Variants in NTM observed in about 807,000 individuals in gnomAD.
NTM encodes the protein IgLON family member 2.
Under a neutral mutation model 42.1 loss-of-function variants are expected in NTM, and 13 were observed. That is an observed-to-expected ratio of 0.31 (90% CI 0.20 to 0.49). The LOEUF is 0.49. Ranked by LOEUF, NTM falls within the 20% of genes least tolerant of loss-of-function variation. The pLI is 0.99. For missense variants in NTM, 373 were observed against 452.8 expected (o/e 0.82, Z 1.60); for synonymous variants, 187 against 179.2 (o/e 1.04, Z -0.35).
chr11:131,420,726 G>C (rs1565483357), intron 1 of NTM, among the ~76,000 whole-genome samples: 1 of 152,194 alleles, frequency 6.6e-6, no homozygotes, highest in Non-Finnish European at 1.5e-5. Flanking sequence ...ATCTGGAAGT[G>C]GGTGGGCTCA....
intron 1 of NTM, among the ~76,000 whole-genome samples, chr11:131,562,570 T>C (rs1248281746): frequency 1.3e-5 from 2 of 151,848 alleles, no homozygotes; most frequent in Admixed American, 6.6e-5. Flanking sequence ...CATGTCATGA[T>C]GGATGAAGCC....
rs578241620 is a variant in NTM at position 131,669,188 on chromosome 11, G to C, written c.83-242376G>C. On this transcript the variant is annotated intron_variant, in intron 1 of 8. Coordinates refer to ENST00000683400, the MANE Select transcript of NTM (RefSeq NM_001352005.2). ...ACTAGAAGTTTCCCCCATCCAAAGA[G>C]AGAGAGAGAGAGAGAGAACAAGGCT... 9.3e-5 allele frequency among the ~76,000 whole-genome samples: 14 copies of C among 150,428 alleles called. No homozygotes were observed. The South Asian group carries it at 2.5e-3, about 27-fold the overall frequency.
chr11:132,209,545 GTTAAATGAGGATCTTTTCAAATATC>G (rs2082499678), intron 3 of NTM, among the ~76,000 whole-genome samples: 1 of 152,150 alleles, frequency 6.6e-6, no homozygotes, highest in Non-Finnish European at 1.5e-5. Flanking sequence ...AAACTAAAAA[GTTAAATGAGGATCTTTTCAAATATC>G]TTATATTAAT....
chr11:131,469,622 A>C (rs1952235262), intron 1 of NTM, among the ~76,000 whole-genome samples: 1 of 152,220 alleles, frequency 6.6e-6, no homozygotes, highest in Non-Finnish European at 1.5e-5. Flanking sequence ...TGATAGGCTC[A>C]GTGTCATAAT....
rs1478538013 is a variant in NTM, at chr11:131,874,038, T to TA, written c.83-37525dup. ...TTTATATAATATAATATAATATATA[T>TA]ATATATATATATATATATATATATA... On this transcript the variant is annotated intron_variant, in intron 1 of 8. Coordinates refer to ENST00000683400, the MANE Select transcript of NTM (RefSeq NM_001352005.2). Among the ~76,000 whole-genome samples the TA allele has an allele frequency of 2.0e-3, 64 of 31,996 alleles. 2 individuals carry two copies. The highest frequency in any genetic ancestry group is 0.02 in the African/African-American group (57 of 2,856). 21.0% of individuals were successfully genotyped at this position (31,996 alleles called of 152,430 possible). A position where few individuals can be genotyped will look rare whatever the true frequency, so the allele number is the denominator to read the frequency against.
chr11:132,082,344 T>C (rs1223414638), intron 2 of NTM, among the ~76,000 whole-genome samples: 1 of 152,110 alleles, frequency 6.6e-6, no homozygotes, highest in Non-Finnish European at 1.5e-5. Flanking sequence ...CCTCACAAAT[T>C]GAATACCAAG....
chr11:132,070,469 G>A (rs561721535), intron 2 of NTM, among the ~76,000 whole-genome samples: 5 of 121,778 alleles, frequency 4.1e-5, no homozygotes, highest in South Asian at 2.9e-4. Context: ...ACATCACACA[G>A]CCAAGTTAAC....
intron 1 of NTM, among the ~76,000 whole-genome samples, chr11:131,453,404 A>C (rs1950625510): frequency 6.6e-6 from 1 of 152,304 alleles, no homozygotes; most frequent in South Asian, 2.1e-4. Flanking sequence ...GGGAACAGTA[A>C]CTACTTGGTA....
intron 2 of NTM, among the ~76,000 whole-genome samples, chr11:131,997,837 A>G (rs945586031): frequency 2.6e-5 from 4 of 152,130 alleles, no homozygotes; most frequent in Non-Finnish European, 5.9e-5. Flanking sequence ...AGAACCTTCA[A>G]CTACCATTGT....
chr11:131,910,609 C>CTCGGGGTCGGG (rs2054654192), intron 1 of NTM, among the ~76,000 whole-genome samples: 1 of 150,768 alleles, frequency 6.6e-6, no homozygotes, highest in East Asian at 1.9e-4. Context: ...GGGGCCCGCG[C>CTCGGGGTCGGG]GCGTCGGGGC....
chr11:131,950,917 T>G (rs2060912037), intron 2 of NTM, among the ~76,000 whole-genome samples: 1 of 152,306 alleles, frequency 6.6e-6, no homozygotes, highest in South Asian at 2.1e-4. Context: ...TGTCTTCCCC[T>G]GTATCCAAGG....
At chr11:131,945,183 A>T (rs1007802352) in intron 2 of NTM, among the ~76,000 whole-genome samples, 7 of 152,218 alleles carry the variant, frequency 4.6e-5, no homozygotes, top group Admixed American at 2.0e-4. Flanking sequence ...ATTTTTAGCT[A>T]TTTGTGTAAA....
chr11:131,979,117 T>C (rs991362798), intron 2 of NTM, among the ~76,000 whole-genome samples: 10 of 152,160 alleles, frequency 6.6e-5, no homozygotes, highest in Non-Finnish European at 1.3e-4. Context: ...TTTTCAAACA[T>C]ATTTTCTTTA....
At chr11:131,574,974 C>T (rs899505722) in intron 1 of NTM, among the ~76,000 whole-genome samples, 5 of 152,148 alleles carry the variant, frequency 3.3e-5, no homozygotes, top group African/African-American at 1.2e-4. Flanking sequence ...CCTGAGCTCT[C>T]TCAGGCTTGG....
chr11:131,669,252 A>C (rs2069664100), intron 1 of NTM, among the ~76,000 whole-genome samples: 1 of 152,226 alleles, frequency 6.6e-6, no homozygotes, highest in Non-Finnish European at 1.5e-5. Flanking sequence ...AAAGGGGGTC[A>C]GAGATCAAAA....
chr11:132,164,693 G>A (rs998729566), intron 3 of NTM, among the ~76,000 whole-genome samples: 1 of 152,100 alleles, frequency 6.6e-6, no homozygotes, highest in African/African-American at 2.4e-5. Flanking sequence ...GACACTTGCT[G>A]TTCTTCCACA....
intron 1 of NTM, among the ~76,000 whole-genome samples, chr11:131,818,802 A>G (rs760981342): frequency 8.5e-5 from 13 of 152,186 alleles, no homozygotes; most frequent in Non-Finnish European, 1.8e-4. Context: ...TATGTGGACT[A>G]TAATGGGAAT....
intron 1 of NTM, among the ~76,000 whole-genome samples, chr11:131,380,573 C>T (rs1439498596): frequency 6.6e-6 from 1 of 152,130 alleles, no homozygotes; most frequent in African/African-American, 2.4e-5. Flanking sequence ...CTGTTCATAT[C>T]CACAACCTGT....
chr11:131,914,754 T>A (rs943597810), intron 2 of NTM, among the ~76,000 whole-genome samples: 3 of 152,330 alleles, frequency 2.0e-5, no homozygotes, highest in African/African-American at 7.2e-5. Flanking sequence ...TAGGCATATT[T>A]CTTAAAAGGG....
Sources: gnomAD v4.1 joint callset for allele counts (sites outside exome capture counted in the v4.1 genomes callset) on GRCh38, gnomAD v4.1.1 for gene constraint, MANE v1.5 for transcripts, NCBI Gene and HGNC (gene_info 2026-07-23, HGNC 2026-07-21) for gene names.